The following UBXN4 variants were observed in gnomAD, a reference collection of about 807,000 sequenced individuals.
UBXN4 encodes the protein UBX domain protein 4.
Under a neutral mutation model 66.2 loss-of-function variants are expected in UBXN4, and 35 were observed. The observed-to-expected ratio is 0.53, with a 90% CI of 0.40 to 0.70. The LOEUF (loss-of-function observed/expected upper bound fraction) is 0.70, where lower values mean the gene tolerates loss of function less well. Among genes scored for constraint, UBXN4 ranks in the 30% least tolerant of loss-of-function variants. The pLI is 0.00. For synonymous variants in UBXN4, 203 were observed against 204.5 expected (o/e 0.99, Z 0.06); for missense variants, 533 against 599.8 (o/e 0.89, Z 1.16).
At chr2:135,742,146 C>A (rs1434889319) in intron 1 of UBXN4, 135 bp downstream of exon 1, 2 of 1,047,866 alleles carry the variant, frequency 1.9e-6, no homozygotes, top group Non-Finnish European at 2.7e-6. Flanking sequence ...CCACTACTAC[C>A]CCGCGCCCCA....
intron 5 of UBXN4, among the ~76,000 whole-genome samples, chr2:135,761,583 C>T (rs770941955): frequency 1.5e-4 from 23 of 152,166 alleles, no homozygotes; most frequent in Non-Finnish European, 3.1e-4. Flanking sequence ...TACATCTGAC[C>T]TTTACCTTGG....
intron 2 of UBXN4, among the ~76,000 whole-genome samples, chr2:135,748,724 CAA>C (rs34276326): frequency 0.54 from 71,710 of 131,730 alleles, 22,012 homozygotes; most frequent in Non-Finnish European, 0.73. Flanking sequence ...AACTCTGTCT[CAA>C]AAAAAAAAAA....
At chr2:135,753,670 T>A in intron 3 of UBXN4, 103 bp downstream of exon 3, 1 of 1,052,006 alleles carries the variant, frequency 9.5e-7, no homozygotes, top group Non-Finnish European at 1.3e-6. Flanking sequence ...TAGGAAATCA[T>A]ACATTCTTTT....
chr2:135,756,090 T>TTA (rs955632743), intron 5 of UBXN4, among the ~76,000 whole-genome samples: 1 of 152,192 alleles, frequency 6.6e-6, no homozygotes, highest in Non-Finnish European at 1.5e-5. Context: ...GAGAATAGTG[T>TTA]TATATATATT....
intron 11 of UBXN4, 42 bp downstream of exon 11, chr2:135,779,121 T>C: frequency 1.3e-6 from 2 of 1,540,658 alleles, no homozygotes; most frequent in South Asian, 2.6e-5. Context: ...CTTATTGTTT[T>C]CTGTTTATCA....
intron 9 of UBXN4, among the ~76,000 whole-genome samples, chr2:135,775,790 G>A (rs1381824136): frequency 1.3e-5 from 2 of 152,138 alleles, no homozygotes; most frequent in Non-Finnish European, 2.9e-5. Context: ...TGTTTGAGAT[G>A]GAGTCTCGCT....
chr2:135,773,608 A>G (rs909382720), intron 9 of UBXN4, among the ~76,000 whole-genome samples: 8 of 152,206 alleles, frequency 5.3e-5, no homozygotes, highest in Non-Finnish European at 8.8e-5. Flanking sequence ...CGAATGACAC[A>G]TAGCAGGGTA....
chr2:135,780,446 A>G (rs2077442933), intron 12 of UBXN4, 61 bp downstream of exon 12: 4 of 1,542,904 alleles, frequency 2.6e-6, no homozygotes, highest in Non-Finnish European at 3.6e-6. Flanking sequence ...ATCTTTTTTA[A>G]GTAAAAAGTT....
intron 6 of UBXN4, among the ~76,000 whole-genome samples, chr2:135,762,374 A>G (rs2077320630): frequency 6.6e-6 from 1 of 152,212 alleles, no homozygotes; most frequent in Admixed American, 6.5e-5. Flanking sequence ...ATTTTTAATG[A>G]TACAGTAATT....
chr2:135,772,366 G>A (rs2077388260), intron 8 of UBXN4, 54 bp from the exon 9 acceptor site: 4 of 1,580,590 alleles, frequency 2.5e-6, no homozygotes, highest in Non-Finnish European at 3.4e-6. Flanking sequence ...TTGGAATTGT[G>A]TGAATTAACC....
chr2:135,769,073 A>ACT (rs1207671234), intron 6 of UBXN4, among the ~76,000 whole-genome samples: 3 of 151,994 alleles, frequency 2.0e-5, no homozygotes, highest in African/African-American at 7.2e-5. Flanking sequence ...CGCGAACGTG[A>ACT]CTCGCTGCAG....
rs764939189 is a variant in UBXN4 at position 135,761,878 on chromosome 2, G to C, written c.569G>C (p.Arg190Thr). Residue 190 changes from arginine to threonine, a missense_variant, in exon 6 of 13, where the codon AGA becomes ACA. By Grantham distance (71) the Arg-to-Thr change is moderately conservative. Transcript: ENST00000272638. Reference sequence around the variant, plus strand: ...GAGCCTAGTGGATGCTCAGATCAGAGACCTGCAGAGGACCTCAACATCCGA... The same window carrying C: ...GAGCCTAGTGGATGCTCAGATCAGACACCTGCAGAGGACCTCAACATCCGA... The part of the protein sequence containing the change: ...SQEPSGCSDQ[R>T]PAEDLNIRVE... The C allele has an allele frequency of 3.1e-6, 5 of 1,613,592 alleles. No homozygotes were observed. In the Admixed American group the frequency reaches 6.7e-5, roughly 22 times the overall value.
chr2:135,770,637 CAAG>C lies in UBXN4; in HGVS notation c.733_735del (p.Glu245del), dbSNP rs768870192. ...AGAAATGTTGGATTATAAAAGAAAACAAGAAGAAGAATTAACAAAAAGAATGCT... is the reference window on the plus strand; with the variant it reads ...AGAAATGTTGGATTATAAAAGAAAACAAGAAGAATTAACAAAAAGAATGCT... On this transcript the variant is annotated inframe_deletion, in exon 8 of 13. Transcript: ENST00000272638. The C allele has an allele frequency of 3.8e-5, 60 of 1,562,962 alleles. No homozygotes were observed. Among genetic ancestry groups the C allele is most frequent in the East Asian group, 3.8e-4 (16 of 42,666 alleles).
At chr2:135,773,438 G>C (rs1343801105) in intron 9 of UBXN4, among the ~76,000 whole-genome samples, 2 of 152,186 alleles carry the variant, frequency 1.3e-5, no homozygotes, top group Admixed American at 6.5e-5. Flanking sequence ...TCTCATGCCT[G>C]TATCAGTCAC....
At chr2:135,756,844 A>G (rs1413790590) in intron 5 of UBXN4, among the ~76,000 whole-genome samples, 1 of 152,160 alleles carries the variant, frequency 6.6e-6, no homozygotes, top group Admixed American at 6.6e-5. Flanking sequence ...TTTGCTGGAT[A>G]TAAAAATTTT....
At chr2:135,770,251 T>C (rs1240111603) in intron 7 of UBXN4, among the ~76,000 whole-genome samples, 1 of 152,188 alleles carries the variant, frequency 6.6e-6, no homozygotes, top group Non-Finnish European at 1.5e-5. Context: ...AGTTCTAATA[T>C]AGGAAGGTTA....
intron 5 of UBXN4, among the ~76,000 whole-genome samples, chr2:135,760,853 A>C (rs1297548862): frequency 6.6e-6 from 1 of 152,100 alleles, no homozygotes; most frequent in Non-Finnish European, 1.5e-5. Flanking sequence ...AGGTGTAAAT[A>C]CTCCCACTTT....
intron 10 of UBXN4, 23 bp from the exon 11 acceptor site, chr2:135,778,925 A>T (rs1407381515): frequency 6.3e-7 from 1 of 1,587,760 alleles, no homozygotes; most frequent in Non-Finnish European, 8.6e-7. Flanking sequence ...GCACTCTTTA[A>T]GTTTTTAAAA....
In UBXN4 at chr2:135,761,804, A is replaced by G; in HGVS notation, c.509-14A>G. 1 of 1,582,214 alleles carries G rather than the reference A, an allele frequency of 6.3e-7. No homozygotes were observed. Among genetic ancestry groups the G allele is most frequent in the Non-Finnish European group, 8.6e-7 (1 of 1,167,884 alleles). On this transcript the variant is annotated splice_polypyrimidine_tract_variant and intron_variant, in intron 5 of 12. Coordinates refer to ENST00000272638, the MANE Select transcript of UBXN4 (RefSeq NM_014607.4). ...AAATGCAGTATTCTTATTTCTTTTT[A>G]TTTAATAATTAAGGAGGAGAAAGTG...
Sources: allele counts gnomAD v4.1 joint callset (sites outside exome capture counted in the v4.1 genomes callset), GRCh38; gene constraint gnomAD v4.1.1; transcripts MANE v1.5; gene names NCBI Gene and HGNC (gene_info 2026-07-23, HGNC 2026-07-21).